Variants in SLC22A14 observed in about 807,000 individuals in gnomAD.
SLC22A14 encodes the protein solute carrier family 22 member 14.
SLC22A14 carries 50 observed loss-of-function variants against 53.9 expected under a neutral mutation model. The observed-to-expected ratio is 0.93, with a 90% CI of 0.74 to 1.17. The LOEUF is 1.17. SLC22A14 is among the 50% of genes most tolerant of loss of function. The probability of loss-of-function intolerance (pLI) is 0.00; values close to 1 mark genes in which losing one functional copy is unlikely to be tolerated. For missense variants in SLC22A14, 671 were observed against 734.7 expected, an observed-to-expected ratio of 0.91 and a Z score of 1.00; for synonymous variants, 312 against 303.0, an observed-to-expected ratio of 1.03 and a Z score of -0.31.
At chr3:38,297,993 A>G (rs972444023) in intron 1 of SLC22A14, among the ~76,000 whole-genome samples, 1 of 152,150 alleles carries the variant, frequency 6.6e-6, no homozygotes, top group East Asian at 1.9e-4. Context: ...CATTTTTTCT[A>G]CACTTATTAC....
chr3:38,305,687 A>C (rs1450113218), intron 1 of SLC22A14: 1 of 246,554 alleles, frequency 4.1e-6, no homozygotes, highest in Non-Finnish European at 7.8e-6. Context: ...TACCTTTTGC[A>C]AGACCACTGG....
At chr3:38,294,423 A>G (rs1430154737) in intron 1 of SLC22A14, among the ~76,000 whole-genome samples, 1 of 152,156 alleles carries the variant, frequency 6.6e-6, no homozygotes, top group Non-Finnish European at 1.5e-5. Flanking sequence ...TCTCTTGAAG[A>G]GGATATCATG....
At chr3:38,297,499 A>T (rs552123308) in intron 1 of SLC22A14, among the ~76,000 whole-genome samples, 1 of 151,756 alleles carries the variant, frequency 6.6e-6, no homozygotes, top group Non-Finnish European at 1.5e-5. Context: ...CATGTGCAGG[A>T]TGTGCAGATT....
At chr3:38,295,780 CTGT>C (rs1177016907) in intron 1 of SLC22A14, among the ~76,000 whole-genome samples, 2 of 146,528 alleles carry the variant, frequency 1.4e-5, no homozygotes, top group East Asian at 4.3e-4. Context: ...CTGTCTGTCT[CTGT>C]CTGTCTCTCT....
Position 38,306,294 on chromosome 3 carries a change from G to A in SLC22A14, c.268G>A (p.Val90Met), listed in dbSNP as rs147752298. The A allele has an allele frequency of 1.0e-3, 1,668 of 1,614,128 alleles. 4 individuals carry two copies. The highest frequency in any genetic ancestry group is 7.0e-3 in the South Asian group (641 of 91,078). ...SAFFMFADHF[V>M]FTAQKPYCNT... ...CTTCTTCATGTTTGCTGACCACTTC[G>A]TGTTCACAGCCCAGAAGCCCTATTG... The change falls in exon 2 of 11, where the codon GTG becomes ATG. Residue 90 changes from valine to methionine, a missense_variant. Coordinates refer to ENST00000448498, the MANE Select transcript of SLC22A14 (RefSeq NM_001320033.2).
At chr3:38,280,757 G>A (rs1220414016), upstream of SLC22A14, among the ~76,000 whole-genome samples, 5 of 152,066 alleles carry the variant, frequency 3.3e-5, no homozygotes, top group Non-Finnish European at 7.4e-5. Flanking sequence ...AGCTTCCCGA[G>A]TAACTGGGAT....
In SLC22A14 at chr3:38,307,546, C is replaced by T; in HGVS notation, c.621-20C>T. ...CGGGAGATCCCGGCACTTGGTGCAG[C>T]CTCCCTTTGACACCTGTAGGATGGG... is the stretch of plus-strand genomic sequence containing the variant. On this transcript the variant is annotated intron_variant, in intron 3 of 10. Coordinates refer to ENST00000448498, the MANE Select transcript of SLC22A14 (RefSeq NM_001320033.2). The surrounding 1 kb of genome is among the most constrained non-coding windows in gnomAD (Gnocchi z 4.4). The T allele has an allele frequency of 1.2e-6, 2 of 1,611,216 alleles. No individual in the cohort carries two copies. The highest frequency in any genetic ancestry group is 1.7e-6 in the Non-Finnish European group (2 of 1,178,418).
chr3:38,306,439 C>T lies in SLC22A14; in HGVS notation c.413C>T (p.Pro138Leu). 1 of 1,614,234 alleles carries T rather than the reference C, an allele frequency of 6.2e-7. No homozygotes were observed. The highest frequency in any genetic ancestry group is 2.2e-5 in the East Asian group (1 of 44,886). The part of the protein sequence containing the change: ...FLTCFMYLPV[P>L]WNLDSIIQFG... ...ACATGCTTCATGTACCTTCCTGTGC[C>T]TTGGAATCTGGATTCTATCATCCAG... The change falls in exon 2 of 11, where the codon CCT becomes CTT. Residue 138 changes from proline to leucine, a missense_variant. Physicochemically the swap from Pro to Leu is moderately conservative, Grantham distance 98. Coordinates refer to ENST00000448498, the MANE Select transcript of SLC22A14 (RefSeq NM_001320033.2).
chr3:38,302,261 T>TATATATATTTATATATACAC (rs1156439003), intron 1 of SLC22A14, among the ~76,000 whole-genome samples: 26 of 70,082 alleles, frequency 3.7e-4, no homozygotes, highest in South Asian at 1.3e-3. Flanking sequence ...TATATATACA[T>TATATATATTTATATATACAC]ATATATATTT....
chr3:38,292,741 C>G (rs1220500803), intron 1 of SLC22A14, among the ~76,000 whole-genome samples: 6 of 152,116 alleles, frequency 3.9e-5, no homozygotes, highest in Non-Finnish European at 8.8e-5. Context: ...CTTCCTCAAG[C>G]AGGGGACAAC....
At position 38,313,781 on chromosome 3, in the gene SLC22A14, C is replaced by T. The variant is rs960190037; in HGVS notation, c.1218C>T (p.Gly406=). The change falls in exon 8 of 11, where the codon GGC becomes GGT. Residue 406 remains glycine, a synonymous_variant. Coordinates refer to ENST00000448498, the MANE Select transcript of SLC22A14 (RefSeq NM_001320033.2). ...TGAGCCTGAGAATGAGAGAGCTGGG[C>T]GTGAGCGTCCACTTCAGACACGTGG... ...FTLSLRMREL[G]VSVHFRHVVP... 3.9e-5 allele frequency: 63 copies of T among 1,606,468 alleles called. No individual in the cohort carries two copies. The highest frequency in any genetic ancestry group is 4.5e-5 in the East Asian group (2 of 44,462).
At chr3:38,314,273 A>G (rs1324772077) in intron 8 of SLC22A14, among the ~76,000 whole-genome samples, 1 of 152,244 alleles carries the variant, frequency 6.6e-6, no homozygotes, top group Non-Finnish European at 1.5e-5. Context: ...AATGATGGCA[A>G]AAATATTCCT....
intron 1 of SLC22A14, among the ~76,000 whole-genome samples, chr3:38,298,587 G>A (rs948617712): frequency 3.3e-5 from 5 of 151,078 alleles, no homozygotes; most frequent in Admixed American, 2.6e-4. Flanking sequence ...TGTTTTAGAC[G>A]GAGTCTTGCT....
chr3:38,282,314 T>C lies in SLC22A14; in HGVS notation c.-26T>C. ...AGCTCAAAGGTTCTGCTTCCAAGGG[T>C]CTGGCTGGGCCTGGATTGTGGTCAG... On this transcript the variant is annotated 5_prime_UTR_variant, in exon 1 of 11. Transcript: ENST00000448498. The C allele has an allele frequency of 6.5e-6, 1 of 152,798 alleles. No individual in the cohort carries two copies. Among genetic ancestry groups the C allele is most frequent in the Non-Finnish European group, 1.5e-5 (1 of 68,520 alleles). The allele number at this position is 152,798 out of a possible 1,614,324, so 9.5% of individuals were successfully genotyped here.
At position 38,313,857 on chromosome 3, in the gene SLC22A14, C is replaced by T. The variant is rs188150140; in HGVS notation, c.1294C>T (p.Gln432Ter). 10 of 1,614,096 alleles carry T rather than the reference C, an allele frequency of 6.2e-6. No individual in the cohort carries two copies. Among genetic ancestry groups the T allele is most frequent in the Non-Finnish European group, 8.5e-6 (10 of 1,180,004 alleles). The change falls in exon 8 of 11, where the codon CAG becomes TAG. Residue 432 changes from glutamine to a stop codon, truncating the protein, a stop_gained. Coordinates refer to ENST00000448498, the MANE Select transcript of SLC22A14 (RefSeq NM_001320033.2). LOFTEE classifies it high-confidence loss of function. Reference sequence around the variant, plus strand: ...CCGGCTGTGCTGCATCTTTCTCCTCCAGCAGATTGGGAGGAAGTGGAGCCT... The same window carrying T: ...CCGGCTGTGCTGCATCTTTCTCCTCTAGCAGATTGGGAGGAAGTGGAGCCT... The part of the protein sequence containing the change: ...PARLCCIFLL[Q>*]QIGRKWSLAV...
intron 5 of SLC22A14, among the ~76,000 whole-genome samples, chr3:38,309,461 T>C (rs1012718078): frequency 6.6e-6 from 1 of 152,062 alleles, no homozygotes; most frequent in African/African-American, 2.4e-5. Flanking sequence ...TTGGTGACCT[T>C]CTTGAGGTGG....
At chr3:38,315,027 G>A (rs1029870107) in intron 8 of SLC22A14, among the ~76,000 whole-genome samples, 4 of 152,244 alleles carry the variant, frequency 2.6e-5, no homozygotes, top group Non-Finnish European at 4.4e-5. Flanking sequence ...CCAGGTCTGA[G>A]GAATGGGCTT....
At chr3:38,297,453 T>TTA (rs561742607) in intron 1 of SLC22A14, among the ~76,000 whole-genome samples, 3 of 152,042 alleles carry the variant, frequency 2.0e-5, no homozygotes, top group East Asian at 1.9e-4. Context: ...ATTTTTTTTT[T>TTA]AATTTTCTTC....
Position 38,315,551 on chromosome 3 carries a change from AC to A in SLC22A14, c.1379-3del. On this transcript the variant is annotated splice_polypyrimidine_tract_variant and splice_region_variant and intron_variant, in intron 8 of 10. Transcript: ENST00000448498. ...GCTGATGAGTGGAACTCCTTCACCC[AC>A]CCCAGGGGAGGATGGCCTCAGACTC... The A allele has an allele frequency of 1.2e-6, 2 of 1,612,254 alleles. No individual in the cohort carries two copies. Among genetic ancestry groups the A allele is most frequent in the Non-Finnish European group, 8.5e-7 (1 of 1,178,954 alleles).
Sources: allele counts gnomAD v4.1 joint callset (sites outside exome capture counted in the v4.1 genomes callset), GRCh38; gene constraint gnomAD v4.1.1; non-coding constraint Gnocchi (gnomAD v3.1); transcripts MANE v1.5; gene names NCBI Gene and HGNC (gene_info 2026-07-23, HGNC 2026-07-21).